VWC2L: variants seen among roughly 807,000 people sequenced by gnomAD.
VWC2L encodes the protein von Willebrand factor C domain containing 2 like.
In VWC2L, 10 loss-of-function variants were observed where a neutral mutation model predicts 21.6. That is an observed-to-expected ratio of 0.46 (90% CI 0.29 to 0.78). VWC2L has a LOEUF of 0.78. Among genes scored for constraint, VWC2L ranks in the 30% least tolerant of loss-of-function variants. The probability of loss-of-function intolerance (pLI) is 0.10; values close to 1 mark genes in which losing one functional copy is unlikely to be tolerated. For synonymous variants in VWC2L, 96 were observed against 94.3 expected, an observed-to-expected ratio of 1.02 and a Z score of -0.10; for missense variants, 209 against 277.1, an observed-to-expected ratio of 0.75 and a Z score of 1.74.
At chr2:214,530,648 A>G (rs1689418849) in intron 3 of VWC2L, among the ~76,000 whole-genome samples, 1 of 152,154 alleles carries the variant, frequency 6.6e-6, no homozygotes. Flanking sequence ...ATAGAAAAGA[A>G]AAATTAGGGA....
chr2:214,498,812 G>T (rs1363999961), intron 3 of VWC2L, among the ~76,000 whole-genome samples: 1 of 149,964 alleles, frequency 6.7e-6, no homozygotes, highest in Non-Finnish European at 1.5e-5. Flanking sequence ...TCTACCACTG[G>T]ATTGTGTATA....
At chr2:214,439,163 A>G (rs1027856556) in intron 3 of VWC2L, among the ~76,000 whole-genome samples, 1 of 152,084 alleles carries the variant, frequency 6.6e-6, no homozygotes, top group African/African-American at 2.4e-5. Context: ...CAGTGGTACC[A>G]ATAATTTTAT....
intron 3 of VWC2L, among the ~76,000 whole-genome samples, chr2:214,502,754 T>A (rs1574601594): frequency 6.6e-6 from 1 of 152,182 alleles, no homozygotes; most frequent in Non-Finnish European, 1.5e-5. Context: ...TTGTTTATTC[T>A]TAGAAATTCT....
chr2:214,524,102 T>C (rs1034992981), intron 3 of VWC2L, among the ~76,000 whole-genome samples: 5 of 152,196 alleles, frequency 3.3e-5, no homozygotes, highest in Admixed American at 2.6e-4. Context: ...CATTGAACCA[T>C]AGTATATTGT....
intron 3 of VWC2L, among the ~76,000 whole-genome samples, chr2:214,503,664 A>G (rs1688926683): frequency 6.6e-6 from 1 of 151,946 alleles, no homozygotes; most frequent in Non-Finnish European, 1.5e-5. Context: ...ATTTTTGCTG[A>G]GCAATTTAGG....
intron 3 of VWC2L, chr2:214,473,586 A>G (rs1703340925): frequency 6.6e-6 from 1 of 152,296 alleles, no homozygotes; most frequent in Middle Eastern, 3.4e-3. Context: ...TCTCCACTCA[A>G]AATCACATGG....
At chr2:214,454,782 T>G (rs1263032694) in intron 3 of VWC2L, among the ~76,000 whole-genome samples, 1 of 151,646 alleles carries the variant, frequency 6.6e-6, no homozygotes, top group Non-Finnish European at 1.5e-5. Flanking sequence ...TTTTATATTT[T>G]TAGTAGAGAT....
intron 3 of VWC2L, among the ~76,000 whole-genome samples, chr2:214,495,159 G>A (rs1273036718): frequency 6.6e-6 from 1 of 152,056 alleles, no homozygotes; most frequent in Non-Finnish European, 1.5e-5. Context: ...AAAACATTCT[G>A]CTAATACTCT....
chr2:214,419,623 T>G (rs2126171102), intron 2 of VWC2L, among the ~76,000 whole-genome samples: 1 of 152,272 alleles, frequency 6.6e-6, no homozygotes, highest in Non-Finnish European at 1.5e-5. Flanking sequence ...AGGATTTGGA[T>G]TTGCCCAAGA....
intron 3 of VWC2L, chr2:214,525,079 A>G (rs1314330483): frequency 2.0e-5 from 1 of 50,556 alleles, no homozygotes; most frequent in Non-Finnish European, 6.0e-5. Context: ...ACACACACAC[A>G]TACACTTTTA....
Position 214,575,956 on chromosome 2 carries a change from C to A in VWC2L, c.*136C>A. On this transcript the variant is annotated 3_prime_UTR_variant, in exon 4 of 4. Transcript: ENST00000312504. ...CACCAGCAAAACTTTCTAGGGTTGA[C>A]AAAAGTGAATATTTTCCTAAGAGGA... 2.1e-6 allele frequency: 2 copies of A among 960,398 alleles called. No individual in the cohort carries two copies. Among genetic ancestry groups the A allele is most frequent in the Non-Finnish European group, 3.0e-6 (2 of 660,348 alleles). The allele number at this position is 960,398 out of a possible 1,614,324, so 59.5% of individuals were successfully genotyped here.
chr2:214,533,126 C>T (rs572629600), intron 3 of VWC2L, among the ~76,000 whole-genome samples: 121 of 152,106 alleles, frequency 8.0e-4, no homozygotes, highest in African/African-American at 2.7e-3. Flanking sequence ...GCTCTGCTTG[C>T]GATTACCTGA....
chr2:214,506,499 G>T (rs1218893815), intron 3 of VWC2L, among the ~76,000 whole-genome samples: 1 of 152,032 alleles, frequency 6.6e-6, no homozygotes, highest in East Asian at 1.9e-4. Context: ...TTTCTGTTGG[G>T]ACTACAAATT....
At chr2:214,490,320 T>C (rs1240057520) in intron 3 of VWC2L, among the ~76,000 whole-genome samples, 1 of 147,238 alleles carries the variant, frequency 6.8e-6, no homozygotes, top group Non-Finnish European at 1.5e-5. Context: ...TTTAAAACAC[T>C]AAATCTTTTT....
In VWC2L at chr2:214,498,467, T is replaced by C. The variant is rs1009607113; in HGVS notation, c.520+61709T>C. 2.0e-5 allele frequency among the ~76,000 whole-genome samples: 3 copies of C among 152,136 alleles called. 1 individual carries two copies. Among genetic ancestry groups the C allele is most frequent in the Non-Finnish European group, 4.4e-5 (3 of 68,040 alleles). On this transcript the variant is annotated intron_variant, in intron 3 of 3. Coordinates refer to ENST00000312504, the MANE Select transcript of VWC2L (RefSeq NM_001080500.4). ...GTCTCTGAAGCCTTGTCTCTAGGTATGCTTGAATCCTCAATATTTCTTTTT... is the reference window on the plus strand; with the variant it reads ...GTCTCTGAAGCCTTGTCTCTAGGTACGCTTGAATCCTCAATATTTCTTTTT...
chr2:214,447,769 G>C (rs537380945), intron 3 of VWC2L, among the ~76,000 whole-genome samples: 1 of 152,040 alleles, frequency 6.6e-6, no homozygotes. Flanking sequence ...CAGATTCCTC[G>C]GGCACAGAGT....
chr2:214,454,629 A>G (rs10201716), intron 3 of VWC2L, among the ~76,000 whole-genome samples: 188 of 94,860 alleles, frequency 2.0e-3, no homozygotes, highest in African/African-American at 7.6e-3. Context: ...TTTGAGATGG[A>G]GTCTCACTCT....
intron 3 of VWC2L, among the ~76,000 whole-genome samples, chr2:214,538,990 A>C (rs1390812401): frequency 2.0e-5 from 3 of 152,166 alleles, no homozygotes; most frequent in Non-Finnish European, 4.4e-5. Context: ...TTTAAATTGC[A>C]TCTATAGATC....
intron 3 of VWC2L, among the ~76,000 whole-genome samples, chr2:214,457,545 G>T (rs776278737): frequency 6.6e-6 from 1 of 152,058 alleles, no homozygotes; most frequent in Non-Finnish European, 1.5e-5. Context: ...AGTGGTGAAA[G>T]TGGGCATTCT....
Sources: gnomAD v4.1 joint callset for allele counts (sites outside exome capture counted in the v4.1 genomes callset) on GRCh38, gnomAD v4.1.1 for gene constraint, MANE v1.5 for transcripts, NCBI Gene and HGNC (gene_info 2026-07-23, HGNC 2026-07-21) for gene names.